The following POC5 variants were observed in gnomAD, a reference collection of about 807,000 sequenced individuals.
POC5 encodes the protein POC5 centriolar protein, also known as centrosomal protein POC5.
In POC5, 48 loss-of-function variants were observed where a neutral mutation model predicts 62.9. That is an observed-to-expected ratio of 0.76 (90% CI 0.61 to 0.97). POC5 has a LOEUF of 0.97. POC5 is among the 50% of genes least tolerant of loss of function. The pLI is 0.00. For synonymous variants in POC5, 236 were observed against 228.2 expected, an observed-to-expected ratio of 1.03 and a Z score of -0.31; for missense variants, 696 against 679.5, an observed-to-expected ratio of 1.02 and a Z score of -0.27.
chr5:75,697,216 A>G (rs997983834), intron 5 of POC5, among the ~76,000 whole-genome samples: 6 of 152,156 alleles, frequency 3.9e-5, no homozygotes, highest in African/African-American at 1.2e-4. Flanking sequence ...CGCCACAAAG[A>G]TACTCCTCGA....
At chr5:75,690,688 T>C (rs1776293812) in intron 7 of POC5, 126 bp from the exon 8 acceptor site, 3 of 857,814 alleles carry the variant, frequency 3.5e-6, no homozygotes, top group Admixed American at 3.1e-5. Context: ...AATCATATTA[T>C]TCTCATCTTG....
At position 75,707,853 on chromosome 5, in the gene POC5, T is replaced by C. The variant is rs2307111; in HGVS notation, c.107A>G (p.His36Arg). ...NLQEEYEELLHYAIVTPNIEP... is the reference protein window; with the variant it reads ...NLQEEYEELLRYAIVTPNIEP... ...AATATTTGGAGTCACTATAGCATAA[T>C]GAAGCAGTTCTTCATATTCTTCCTA... Residue 36 changes from histidine (H) to arginine (R), a missense_variant, in exon 3 of 12, where the codon CAT becomes CGT. By Grantham distance (29) the His-to-Arg change is conservative. Coordinates refer to ENST00000428202, the MANE Select transcript of POC5 (RefSeq NM_001099271.2). 690,776 of 1,582,712 alleles carry C rather than the reference T, an allele frequency of 0.44. 160,315 individuals are homozygous for C. Among genetic ancestry groups the C allele is most frequent in the African/African-American group, 0.86 (64,018 of 74,112 alleles).
At chr5:75,700,042 C>T (rs1776799430) in intron 5 of POC5, among the ~76,000 whole-genome samples, 1 of 151,680 alleles carries the variant, frequency 6.6e-6, no homozygotes, top group Non-Finnish European at 1.5e-5. Flanking sequence ...AGGAGAACTA[C>T]AGACCACTGC....
In POC5 at chr5:75,690,419, G is replaced by A; in HGVS notation, c.939C>T (p.Ile313=). The A allele has an allele frequency of 6.2e-7, 1 of 1,611,920 alleles. No homozygotes were observed. Among genetic ancestry groups the A allele is most frequent in the Non-Finnish European group, 8.5e-7 (1 of 1,179,126 alleles). ...ACQARAEEVC[I]QISNDYEAKV... ...TGGCTTCATAATCATTGGAAATCTG[G>A]ATACAAACTTCTTCAGCTCTTGCTT... is the stretch of plus-strand genomic sequence containing the variant. Residue 313 remains isoleucine, a synonymous_variant, in exon 8 of 12, where the codon ATC becomes ATT. Coordinates refer to ENST00000428202, the MANE Select transcript of POC5 (RefSeq NM_001099271.2).
At chr5:75,716,534 C>A (rs2112229807) in intron 1 of POC5, among the ~76,000 whole-genome samples, 1 of 152,286 alleles carries the variant, frequency 6.6e-6, no homozygotes, top group African/African-American at 2.4e-5. Context: ...TGCTTTATGT[C>A]AACAAGGTAT....
At chr5:75,702,172 G>A (rs533271461) in intron 5 of POC5, among the ~76,000 whole-genome samples, 1 of 152,166 alleles carries the variant, frequency 6.6e-6, no homozygotes, top group African/African-American at 2.4e-5. Flanking sequence ...GGGGGTGGAG[G>A]GTAAGGGGAG....
chr5:75,682,517 C>CTTTT (rs3041691), intron 10 of POC5, among the ~76,000 whole-genome samples: 23 of 134,666 alleles, frequency 1.7e-4, no homozygotes, highest in African/African-American at 3.3e-4. Flanking sequence ...TTATTTCTTT[C>CTTTT]TTTTTTTTTT....
chr5:75,684,874 T>TC (rs879339631), intron 10 of POC5, among the ~76,000 whole-genome samples: 3 of 150,466 alleles, frequency 2.0e-5, no homozygotes, highest in Non-Finnish European at 3.0e-5. Flanking sequence ...AACAAGCTTT[T>TC]TTTTTTTTTT....
At chr5:75,693,262 G>T (rs936094002) in intron 6 of POC5, among the ~76,000 whole-genome samples, 11 of 151,012 alleles carry the variant, frequency 7.3e-5, no homozygotes, top group Admixed American at 7.3e-4. Context: ...AATTCAGAAG[G>T]CTTTAAAATC....
intron 9 of POC5, among the ~76,000 whole-genome samples, chr5:75,686,461 ATTAG>A (rs1001288790): frequency 3.3e-5 from 5 of 152,334 alleles, no homozygotes; most frequent in East Asian, 1.9e-4. Flanking sequence ...TTTGCAGAGT[ATTAG>A]TTAGTTAGCT....
chr5:75,716,113 T>C (rs368926968), intron 1 of POC5, among the ~76,000 whole-genome samples: 3 of 151,902 alleles, frequency 2.0e-5, no homozygotes, highest in Admixed American at 6.6e-5. Context: ...AGTGCAAAAA[T>C]AGAATGGAAA....
At chr5:75,682,688 T>C (rs143061044) in intron 10 of POC5, among the ~76,000 whole-genome samples, 1,673 of 152,054 alleles carry the variant, frequency 0.011, 14 homozygotes, top group Middle Eastern at 0.044. Context: ...GCTAATTTTT[T>C]TGTATTTTTG....
rs553705615 is a variant in POC5 at position 75,699,129 on chromosome 5, T to C, written c.513+3476A>G. Among the ~76,000 whole-genome samples the C allele has an allele frequency of 9.2e-5, 14 of 152,328 alleles. No homozygotes were observed. In the South Asian group the frequency reaches 2.9e-3, roughly 32 times the overall value. On this transcript the variant is annotated intron_variant, in intron 5 of 11. Coordinates refer to ENST00000428202, the MANE Select transcript of POC5 (RefSeq NM_001099271.2). The stretch of plus-strand genomic sequence containing the variant: ...ACCAGATGGATTCACAGCTGAATTC[T>C]ACCAGAGGTACAAGGAAGAACTGGT...
At chr5:75,676,676 G>A (rs567077953) in intron 11 of POC5, among the ~76,000 whole-genome samples, 8 of 152,144 alleles carry the variant, frequency 5.3e-5, no homozygotes, top group African/African-American at 1.9e-4. Context: ...CCTGAAATCA[G>A]CTGGGGGTGG....
At chr5:75,703,972 G>C (rs573561125) in intron 4 of POC5, among the ~76,000 whole-genome samples, 6 of 151,836 alleles carry the variant, frequency 4.0e-5, no homozygotes, top group Admixed American at 3.9e-4. Context: ...TGGCCAACAT[G>C]GTAAAACCCT....
chr5:75,693,142 A>C (rs1372443005), intron 6 of POC5, among the ~76,000 whole-genome samples: 1 of 147,366 alleles, frequency 6.8e-6, no homozygotes, highest in Admixed American at 6.9e-5. Context: ...AATATATATA[A>C]TTAATGTTAT....
intron 5 of POC5, among the ~76,000 whole-genome samples, chr5:75,697,206 C>A (rs539358915): frequency 6.6e-6 from 1 of 152,018 alleles, no homozygotes; most frequent in Non-Finnish European, 1.5e-5. Flanking sequence ...ATACAGAGAA[C>A]GCCACAAAGA....
intron 2 of POC5, among the ~76,000 whole-genome samples, chr5:75,708,841 C>CT (rs544465124): frequency 4.0e-5 from 6 of 151,190 alleles, no homozygotes; most frequent in African/African-American, 7.3e-5. Context: ...TTTTTTTCTT[C>CT]TTTTTTTTTG....
intron 2 of POC5, chr5:75,712,309 A>C: frequency 1.4e-6 from 2 of 1,445,170 alleles, no homozygotes; most frequent in Non-Finnish European, 1.9e-6. Context: ...TTGATGATGA[A>C]ATATTTAGAA....
Sources: gnomAD v4.1 joint callset for allele counts (sites outside exome capture counted in the v4.1 genomes callset) on GRCh38, gnomAD v4.1.1 for gene constraint, MANE v1.5 for transcripts, NCBI Gene and HGNC (gene_info 2026-07-23, HGNC 2026-07-21) for gene names.